The following ADAMTS6 variants were observed in gnomAD, a reference collection of about 807,000 sequenced individuals.
The protein encoded by ADAMTS6 is A disintegrin and metalloproteinase with thrombospondin motifs 6.
In ADAMTS6, 23 loss-of-function variants were observed where a neutral mutation model predicts 144.3. The ratio of observed to expected loss-of-function variants is 0.16; its 90% CI spans 0.11 to 0.23. The LOEUF (loss-of-function observed/expected upper bound fraction) is 0.23. Among genes scored for constraint, ADAMTS6 ranks in the 10% least tolerant of loss-of-function variants. The pLI is 1.00. For missense variants in ADAMTS6, 999 were observed against 1,379.6 expected (o/e 0.72, Z 4.37); for synonymous variants, 444 against 457.5 (o/e 0.97, Z 0.38).
intron 11 of ADAMTS6, among the ~76,000 whole-genome samples, chr5:65,276,332 A>G (rs952710549): frequency 1.3e-5 from 2 of 152,194 alleles, no homozygotes; most frequent in African/African-American, 4.8e-5. Flanking sequence ...TGTTTAAAGT[A>G]TGGGAGTGGA....
intron 7 of ADAMTS6, among the ~76,000 whole-genome samples, chr5:65,377,580 ATGTT>A (rs1322863911): frequency 2.0e-5 from 3 of 152,232 alleles, no homozygotes; most frequent in Non-Finnish European, 4.4e-5. Flanking sequence ...ATATTACAAA[ATGTT>A]AACACATTGT....
intron 7 of ADAMTS6, among the ~76,000 whole-genome samples, chr5:65,387,342 A>C (rs1752560383): frequency 1.3e-5 from 2 of 152,218 alleles, no homozygotes; most frequent in Admixed American, 1.3e-4. Flanking sequence ...TTTATTCTTC[A>C]ATCATCAAAC....
intron 15 of ADAMTS6, among the ~76,000 whole-genome samples, chr5:65,229,048 C>T (rs555237280): frequency 1.3e-5 from 2 of 152,330 alleles, no homozygotes; most frequent in African/African-American, 4.8e-5. Flanking sequence ...CCCAAGCATG[C>T]TCCTATGGAC....
chr5:65,423,731 A>G (rs963211116), intron 7 of ADAMTS6, among the ~76,000 whole-genome samples: 2 of 152,188 alleles, frequency 1.3e-5, no homozygotes, highest in Non-Finnish European at 2.9e-5. Flanking sequence ...ACTTGAAGTT[A>G]TATTCTCTTT....
At position 65,336,053 on chromosome 5, in the gene ADAMTS6, G is replaced by A. The variant is rs1217344298; in HGVS notation, c.1074-1968C>T. ...GAACGATGAGAATTTCAGAGAGGCT[G>A]AAACATTGAATGCTAAACCAGATTT... On this transcript the variant is annotated intron_variant, in intron 7 of 24. Coordinates refer to ENST00000381055, the MANE Select transcript of ADAMTS6 (RefSeq NM_197941.4). 5.3e-5 allele frequency among the ~76,000 whole-genome samples: 8 copies of A among 152,208 alleles called. No homozygotes were observed. In the East Asian group the frequency reaches 1.5e-3, roughly 29 times the overall value.
intron 22 of ADAMTS6, among the ~76,000 whole-genome samples, chr5:65,176,393 T>C (rs1265316685): frequency 6.6e-6 from 1 of 152,232 alleles, no homozygotes; most frequent in Non-Finnish European, 1.5e-5. Flanking sequence ...AAGTAAAATA[T>C]ACCTTTGGTA....
chr5:65,285,085 T>C (rs1763262206), intron 11 of ADAMTS6, among the ~76,000 whole-genome samples: 1 of 152,168 alleles, frequency 6.6e-6, no homozygotes, highest in Non-Finnish European at 1.5e-5. Flanking sequence ...CAGATCACTT[T>C]ATAAAAGCCT....
chr5:65,196,119 T>C (rs1755326924), intron 21 of ADAMTS6, among the ~76,000 whole-genome samples: 1 of 152,206 alleles, frequency 6.6e-6, no homozygotes. Context: ...GACTGAAGTA[T>C]ACCTCTATGC....
At chr5:65,459,582 A>C (rs1371741035) in intron 4 of ADAMTS6, among the ~76,000 whole-genome samples, 1 of 152,224 alleles carries the variant, frequency 6.6e-6, no homozygotes, top group Non-Finnish European at 1.5e-5. Context: ...CTTCATAAAC[A>C]CTATTTCCTC....
intron 11 of ADAMTS6, among the ~76,000 whole-genome samples, chr5:65,275,395 GAAA>G (rs1561364248): frequency 1.5e-5 from 2 of 131,240 alleles, no homozygotes; most frequent in African/African-American, 5.8e-5. Context: ...AAGAAAGAAA[GAAA>G]GAAAGAAAGA....
At position 65,375,574 on chromosome 5, in the gene ADAMTS6, T is replaced by C. The variant is rs374638624; in HGVS notation, c.1074-41489A>G. ...AACCACAATGAGATACCATCTCACA[T>C]CAGTTAGAATGGCAATCATTAAAAA... On this transcript the variant is annotated intron_variant, in intron 7 of 24. Coordinates refer to ENST00000381055, the MANE Select transcript of ADAMTS6 (RefSeq NM_197941.4). Among the ~76,000 whole-genome samples, 68 of 151,960 alleles carry C rather than the reference T, an allele frequency of 4.5e-4. 2 individuals carry two copies. The highest frequency in any genetic ancestry group is 1.1e-3 in the African/African-American group (45 of 41,284).
chr5:65,442,941 G>A (rs1757979072), intron 7 of ADAMTS6, among the ~76,000 whole-genome samples: 1 of 152,142 alleles, frequency 6.6e-6, no homozygotes, highest in Admixed American at 6.5e-5. Context: ...CTGGTTTTCT[G>A]TTCCTGTGTT....
intron 9 of ADAMTS6, among the ~76,000 whole-genome samples, chr5:65,310,471 G>C (rs1437195682): frequency 6.6e-6 from 1 of 152,160 alleles, no homozygotes; most frequent in Non-Finnish European, 1.5e-5. Context: ...GGCGAAGTTA[G>C]CTGTGTTCAT....
chr5:65,287,181 T>G (rs1340279807), intron 11 of ADAMTS6, among the ~76,000 whole-genome samples: 4 of 152,110 alleles, frequency 2.6e-5, no homozygotes, highest in African/African-American at 9.7e-5. Context: ...AGAAAAGAAA[T>G]TCACTTAAAT....
At chr5:65,379,652 T>A (rs1167593151) in intron 7 of ADAMTS6, among the ~76,000 whole-genome samples, 1 of 152,074 alleles carries the variant, frequency 6.6e-6, no homozygotes, top group African/African-American at 2.4e-5. Flanking sequence ...TGGAAAACAG[T>A]GACCCCGCTT....
intron 9 of ADAMTS6, among the ~76,000 whole-genome samples, chr5:65,300,553 C>A (rs888851748): frequency 7.9e-5 from 12 of 152,186 alleles, no homozygotes; most frequent in Non-Finnish European, 1.3e-4. Context: ...TATGCTGAAT[C>A]CAAAAGAGAA....
intron 7 of ADAMTS6, among the ~76,000 whole-genome samples, chr5:65,371,356 G>T (rs1017318468): frequency 7.2e-5 from 11 of 152,094 alleles, no homozygotes; most frequent in African/African-American, 2.7e-4. Flanking sequence ...CAAAGGCAAA[G>T]AAGTTGAAAA....
intron 20 of ADAMTS6, among the ~76,000 whole-genome samples, chr5:65,211,100 A>T (rs554747932): frequency 6.6e-6 from 1 of 152,372 alleles, no homozygotes; most frequent in East Asian, 1.9e-4. Context: ...ATTAAGGAGA[A>T]GATGACTCTG....
chr5:65,378,717 C>T (rs1203669880), intron 7 of ADAMTS6, among the ~76,000 whole-genome samples: 1 of 152,188 alleles, frequency 6.6e-6, no homozygotes, highest in African/African-American at 2.4e-5. Flanking sequence ...CTGTTTACTA[C>T]AGCACCATAC....
Sources: allele counts gnomAD v4.1 joint callset (sites outside exome capture counted in the v4.1 genomes callset), GRCh38; gene constraint gnomAD v4.1.1; transcripts MANE v1.5; gene names NCBI Gene and HGNC (gene_info 2026-07-23, HGNC 2026-07-21).